The following GPC5 variants were observed in gnomAD, a reference collection of about 807,000 sequenced individuals.
GPC5 encodes the protein glypican 5, also known as glypican-5.
In GPC5, 47 loss-of-function variants were observed where a neutral mutation model predicts 53.9. That is an observed-to-expected ratio of 0.87 (90% CI 0.69 to 1.11). The LOEUF (loss-of-function observed/expected upper bound fraction) is 1.11. Ranked by LOEUF, GPC5 falls within the 50% of genes most tolerant of loss-of-function variation. GPC5 has a pLI of 0.00. For missense variants in GPC5, 748 were observed against 713.1 expected (o/e 1.05, Z -0.56); for synonymous variants, 286 against 263.3 (o/e 1.09, Z -0.84).
At chr13:92,125,968 T>G (rs2041693559) in intron 6 of GPC5, among the ~76,000 whole-genome samples, 1 of 109,310 alleles carries the variant, frequency 9.1e-6, no homozygotes, top group Non-Finnish European at 1.8e-5. Flanking sequence ...TTTTTTTTTT[T>G]TTTTTGAGAT....
intron 7 of GPC5, among the ~76,000 whole-genome samples, chr13:92,599,755 C>T (rs1014279020): frequency 6.6e-6 from 1 of 151,958 alleles, no homozygotes; most frequent in Non-Finnish European, 1.5e-5. Context: ...AGGAAGGAGC[C>T]TTCACTAATG....
At chr13:91,797,060 T>G (rs1286609521) in intron 5 of GPC5, among the ~76,000 whole-genome samples, 1 of 152,146 alleles carries the variant, frequency 6.6e-6, no homozygotes, top group Non-Finnish European at 1.5e-5. Flanking sequence ...TACAAAATAT[T>G]TTATGCCACA....
intron 2 of GPC5, among the ~76,000 whole-genome samples, chr13:91,573,882 ATG>A (rs1254373956): frequency 6.6e-6 from 1 of 152,104 alleles, no homozygotes; most frequent in Non-Finnish European, 1.5e-5. Flanking sequence ...TCGTATATAT[ATG>A]TATATGTATG....
intron 2 of GPC5, among the ~76,000 whole-genome samples, chr13:91,472,158 T>C (rs1265748086): frequency 2.0e-5 from 3 of 152,190 alleles, no homozygotes; most frequent in Admixed American, 6.6e-5. Flanking sequence ...TTACATCTTA[T>C]ATTTGTAACC....
At chr13:92,483,659 C>T (rs1046609390) in intron 7 of GPC5, among the ~76,000 whole-genome samples, 3 of 152,094 alleles carry the variant, frequency 2.0e-5, no homozygotes, top group African/African-American at 7.2e-5. Context: ...TACCTTAACA[C>T]TGTAATTTTT....
chr13:91,842,639 T>C (rs1250105270), intron 5 of GPC5, among the ~76,000 whole-genome samples: 2 of 125,628 alleles, frequency 1.6e-5, no homozygotes, highest in African/African-American at 5.8e-5. Context: ...GAGGCGGAGC[T>C]TGCAGTGAGC....
chr13:91,919,453 A>T (rs2039690020), intron 6 of GPC5, among the ~76,000 whole-genome samples: 1 of 152,216 alleles, frequency 6.6e-6, no homozygotes, highest in African/African-American at 2.4e-5. Flanking sequence ...TGATGGACTG[A>T]TCATGTCAAT....
At chr13:91,402,941 T>C (rs1353362096) in intron 1 of GPC5, among the ~76,000 whole-genome samples, 1 of 152,254 alleles carries the variant, frequency 6.6e-6, no homozygotes, top group Non-Finnish European at 1.5e-5. Flanking sequence ...GCGCTGCTGC[T>C]AGCTGCAATG....
intron 7 of GPC5, among the ~76,000 whole-genome samples, chr13:92,808,543 G>T (rs1376193980): frequency 1.3e-5 from 2 of 151,900 alleles, no homozygotes; most frequent in Non-Finnish European, 2.9e-5. Context: ...ATTATAAAGG[G>T]TCTCAAATAT....
intron 7 of GPC5, among the ~76,000 whole-genome samples, chr13:92,182,005 A>G (rs1409032447): frequency 2.0e-5 from 3 of 152,344 alleles, no homozygotes; most frequent in Non-Finnish European, 1.5e-5. Flanking sequence ...GTTAAAGATG[A>G]GAGTATTGAG....
intron 7 of GPC5, among the ~76,000 whole-genome samples, chr13:92,699,457 T>G (rs1460517261): frequency 6.6e-6 from 1 of 152,156 alleles, no homozygotes; most frequent in East Asian, 1.9e-4. Flanking sequence ...ACTTATTTCT[T>G]GACTTCTGCT....
At chr13:91,412,671 T>A (rs1877897677) in intron 1 of GPC5, among the ~76,000 whole-genome samples, 1 of 152,210 alleles carries the variant, frequency 6.6e-6, no homozygotes, top group South Asian at 2.1e-4. Context: ...AATATGACGT[T>A]ATCAAAGATT....
chr13:91,965,742 G>T (rs186942787), intron 6 of GPC5, among the ~76,000 whole-genome samples: 1 of 152,126 alleles, frequency 6.6e-6, no homozygotes, highest in African/African-American at 2.4e-5. Context: ...TCACTTCATC[G>T]TTATGGAGTT....
chr13:92,448,025 G>GA (rs1476863058), intron 7 of GPC5: 22 of 152,064 alleles, frequency 1.4e-4, no homozygotes, highest in African/African-American at 4.8e-4. Context: ...CAATGCAGCA[G>GA]CTATCGAACA....
At chr13:92,606,306 C>G (rs551464687) in intron 7 of GPC5, among the ~76,000 whole-genome samples, 1 of 152,118 alleles carries the variant, frequency 6.6e-6, no homozygotes, top group Non-Finnish European at 1.5e-5. Context: ...TCTCATTGTT[C>G]AATTCCCACC....
chr13:91,805,842 A>G (rs1168014366), intron 5 of GPC5, among the ~76,000 whole-genome samples: 1 of 152,114 alleles, frequency 6.6e-6, no homozygotes, highest in African/African-American at 2.4e-5. Context: ...TTCTAAGAAT[A>G]TCTCTCTTAT....
chr13:92,634,104 C>T (rs1885341121), intron 7 of GPC5, among the ~76,000 whole-genome samples: 1 of 141,594 alleles, frequency 7.1e-6, no homozygotes, highest in East Asian at 1.9e-4. Flanking sequence ...ATGAATCTCT[C>T]TTGGTTACGG....
At chr13:92,488,787 T>C (rs1879654674) in intron 7 of GPC5, among the ~76,000 whole-genome samples, 1 of 152,220 alleles carries the variant, frequency 6.6e-6, no homozygotes, top group African/African-American at 2.4e-5. Context: ...GCTTTGAAAG[T>C]GAAATTGACT....
At chr13:91,509,425 A>C in intron 2 of GPC5, among the ~76,000 whole-genome samples, 1 of 42,014 alleles carries the variant, frequency 2.4e-5, no homozygotes, top group Admixed American at 3.1e-4. Context: ...TATTTTAAGG[A>C]TCAAATAGTG....
Sources: gnomAD v4.1 joint callset for allele counts (sites outside exome capture counted in the v4.1 genomes callset) on GRCh38, gnomAD v4.1.1 for gene constraint, MANE v1.5 for transcripts, NCBI Gene and HGNC (gene_info 2026-07-23, HGNC 2026-07-21) for gene names.